Variants in ABI2 observed in about 807,000 individuals in gnomAD.
ABI2 encodes the protein abelson interactor 2.
In ABI2, 25 loss-of-function variants were observed where a neutral mutation model predicts 59.2. The observed-to-expected ratio is 0.42, with a 90% CI of 0.31 to 0.59. The LOEUF (loss-of-function observed/expected upper bound fraction) is 0.59, where lower values mean the gene tolerates loss of function less well. Ranked by LOEUF, ABI2 falls within the 20% of genes least tolerant of loss-of-function variation. ABI2 has a pLI of 0.14. For missense variants in ABI2, 545 were observed against 681.8 expected (o/e 0.80, Z 2.23); for synonymous variants, 213 against 235.5 (o/e 0.90, Z 0.87).
intron 1 of ABI2, among the ~76,000 whole-genome samples, chr2:203,331,779 A>T (rs1210011107): frequency 6.7e-6 from 1 of 149,750 alleles, no homozygotes; most frequent in African/African-American, 2.5e-5. Flanking sequence ...TCTGTTTATC[A>T]TGTGTAATAA....
At chr2:203,395,339 C>A (rs924747570) in intron 6 of ABI2, among the ~76,000 whole-genome samples, 1 of 151,286 alleles carries the variant, frequency 6.6e-6, no homozygotes, top group East Asian at 1.9e-4. Flanking sequence ...TAAACCTCAA[C>A]ATTTATCACT....
chr2:203,353,535 A>G (rs1164158648), intron 1 of ABI2, among the ~76,000 whole-genome samples: 1 of 152,118 alleles, frequency 6.6e-6, no homozygotes, highest in East Asian at 1.9e-4. Flanking sequence ...ACTGGAGTGC[A>G]GTGGCATGGT....
At chr2:203,394,514 A>G in intron 5 of ABI2, 186 bp from the exon 6 acceptor site, 1 of 575,856 alleles carries the variant, frequency 1.7e-6, no homozygotes, top group East Asian at 3.0e-5. Flanking sequence ...AAAAATAACA[A>G]TATTCACCAA....
chr2:203,355,068 C>T (rs534779531), intron 1 of ABI2: 1 of 266,340 alleles, frequency 3.8e-6, no homozygotes, highest in East Asian at 9.3e-5. Context: ...AGCTGCATCT[C>T]AGAAGTTTCC....
intron 1 of ABI2, among the ~76,000 whole-genome samples, chr2:203,350,243 A>G (rs1383122782): frequency 6.6e-6 from 1 of 152,100 alleles, no homozygotes; most frequent in African/African-American, 2.4e-5. Context: ...TGCCCGGCTA[A>G]TTCTCGTATT....
At chr2:203,345,636 T>G (rs990941790) in intron 1 of ABI2, among the ~76,000 whole-genome samples, 10 of 151,934 alleles carry the variant, frequency 6.6e-5, no homozygotes, top group African/African-American at 2.2e-4. Context: ...CTCGAACTCC[T>G]GACTTCAGGT....
At chr2:203,357,081 TTTC>T (rs2092300998) in intron 1 of ABI2, among the ~76,000 whole-genome samples, 1 of 152,234 alleles carries the variant, frequency 6.6e-6, no homozygotes, top group Non-Finnish European at 1.5e-5. Flanking sequence ...TCATGTTAGA[TTTC>T]TTACCACACT....
Position 203,431,125 on chromosome 2 carries a change from CTGAT to C in ABI2, c.*3776_*3779del, listed in dbSNP as rs2098480260. 1 of 152,152 alleles carries C rather than the reference CTGAT, an allele frequency of 6.6e-6. No individual in the cohort carries two copies. The highest frequency in any genetic ancestry group is 6.5e-5 in the Admixed American group (1 of 15,274). 9.4% of individuals were successfully genotyped at this position (152,152 alleles called of 1,614,324 possible). ...TTCTGGTCTTTTTGGCCGGGAACTCCTGATTGGTGTTAAGGTGGTAATTTCCCCC... is the reference window on the plus strand; with the variant it reads ...TTCTGGTCTTTTTGGCCGGGAACTCCTGGTGTTAAGGTGGTAATTTCCCCC... On this transcript the variant is annotated 3_prime_UTR_variant, in exon 12 of 12. Transcript: ENST00000261018.
At chr2:203,382,362 T>G (rs2096192730) in intron 4 of ABI2, among the ~76,000 whole-genome samples, 156 bp downstream of exon 4, 1 of 152,236 alleles carries the variant, frequency 6.6e-6, no homozygotes, top group Admixed American at 6.5e-5. Flanking sequence ...GTGGTGTGTC[T>G]TCATGTTCCT....
intron 1 of ABI2, among the ~76,000 whole-genome samples, chr2:203,343,499 A>G (rs1380985888): frequency 1.3e-5 from 2 of 151,944 alleles, no homozygotes; most frequent in Non-Finnish European, 2.9e-5. Flanking sequence ...AATTTCTAGG[A>G]CTATTTATTT....
intron 1 of ABI2, among the ~76,000 whole-genome samples, chr2:203,330,615 A>C (rs1237335395): frequency 1.3e-5 from 2 of 152,198 alleles, no homozygotes; most frequent in African/African-American, 4.8e-5. Flanking sequence ...CACAATCTCT[A>C]GTAGAGGCAA....
intron 2 of ABI2, among the ~76,000 whole-genome samples, chr2:203,370,014 T>C (rs2094963867): frequency 6.6e-6 from 1 of 152,196 alleles, no homozygotes; most frequent in African/African-American, 2.4e-5. Flanking sequence ...TATTATTCTC[T>C]AGTGTAGAAG....
rs1301318994 is a variant in ABI2, at chr2:203,387,217, G to C, written c.481-3829G>C. ...TCTGTTAATGGGAGATTTCATAGCA[G>C]AGGTGATGTCTTCTATGAATTAGAG... On this transcript the variant is annotated intron_variant, in intron 4 of 11. Coordinates refer to ENST00000261018, the MANE Select transcript of ABI2 (RefSeq NM_001375670.1). Among the ~76,000 whole-genome samples the C allele has an allele frequency of 2.0e-5, 3 of 152,098 alleles. No individual in the cohort carries two copies. The East Asian group carries it at 5.8e-4, about 29-fold the overall frequency.
chr2:203,358,117 GTT>G (rs1466915878), intron 1 of ABI2, among the ~76,000 whole-genome samples: 44 of 126,252 alleles, frequency 3.5e-4, no homozygotes, highest in African/African-American at 6.0e-4. Flanking sequence ...GTGTGTGTTT[GTT>G]TGTTTGTTTG....
intron 11 of ABI2, among the ~76,000 whole-genome samples, chr2:203,423,420 A>T (rs1420677652): frequency 6.6e-6 from 1 of 152,034 alleles, no homozygotes; most frequent in African/African-American, 2.4e-5. Flanking sequence ...GGAGAGAAAA[A>T]ATCATCTGGG....
chr2:203,353,986 C>G (rs981861883), intron 1 of ABI2, among the ~76,000 whole-genome samples: 1 of 152,118 alleles, frequency 6.6e-6, no homozygotes, highest in African/African-American at 2.4e-5. Context: ...TTCATTGTAT[C>G]CATTATATCT....
chr2:203,364,170 T>G (rs905314238), intron 1 of ABI2, among the ~76,000 whole-genome samples: 1 of 151,784 alleles, frequency 6.6e-6, no homozygotes, highest in African/African-American at 2.4e-5. Context: ...CTTGGCTCAC[T>G]GCAACCCCCG....
chr2:203,353,868 T>G (rs1451233822), intron 1 of ABI2, among the ~76,000 whole-genome samples: 1 of 152,180 alleles, frequency 6.6e-6, no homozygotes, highest in Non-Finnish European at 1.5e-5. Flanking sequence ...TATGCCCATA[T>G]TGCTATTTTT....
At chr2:203,427,131 G>A in intron 11 of ABI2, 46 bp from the exon 12 acceptor site, 2 of 1,555,024 alleles carry the variant, frequency 1.3e-6, no homozygotes, top group Non-Finnish European at 1.8e-6. Context: ...GTCTTTCTAG[G>A]AATATTACTG....
Sources: gnomAD v4.1 joint callset for allele counts (sites outside exome capture counted in the v4.1 genomes callset) on GRCh38, gnomAD v4.1.1 for gene constraint, MANE v1.5 for transcripts, NCBI Gene and HGNC (gene_info 2026-07-23, HGNC 2026-07-21) for gene names.